DAB1: variants seen among roughly 807,000 people sequenced by gnomAD.
The protein encoded by DAB1 is disabled homolog 1.
Under a neutral mutation model 64.6 loss-of-function variants are expected in DAB1, and 15 were observed. The observed-to-expected ratio is 0.23, with a 90% CI of 0.16 to 0.36. The LOEUF (loss-of-function observed/expected upper bound fraction) is 0.36, where lower values mean the gene tolerates loss of function less well. Among genes scored for constraint, DAB1 ranks in the 10% least tolerant of loss-of-function variants. The pLI is 1.00. For synonymous variants in DAB1, 235 were observed against 251.9 expected, an observed-to-expected ratio of 0.93 and a Z score of 0.64; for missense variants, 596 against 706.7, an observed-to-expected ratio of 0.84 and a Z score of 1.78.
intron 5 of DAB1, among the ~76,000 whole-genome samples, chr1:58,124,247 C>T (rs1042119642): frequency 6.6e-6 from 1 of 150,860 alleles, no homozygotes; most frequent in Non-Finnish European, 1.5e-5. Flanking sequence ...CCTTATTTAC[C>T]CAGACTCATA....
chr1:57,544,365 C>T (rs557017116), intron 7 of DAB1, among the ~76,000 whole-genome samples: 28 of 152,260 alleles, frequency 1.8e-4, no homozygotes, highest in African/African-American at 6.7e-4. Flanking sequence ...TTGTTAATCC[C>T]TACTTCATAG....
intron 1 of DAB1, among the ~76,000 whole-genome samples, chr1:57,410,244 T>G (rs1286393121): frequency 6.6e-6 from 1 of 152,348 alleles, no homozygotes; most frequent in Non-Finnish European, 1.5e-5. Context: ...ACAGGGGCAC[T>G]TCCCCCTCTA....
chr1:57,892,504 G>A (rs567760288), intron 5 of DAB1, among the ~76,000 whole-genome samples: 13 of 152,252 alleles, frequency 8.5e-5, no homozygotes, highest in Non-Finnish European at 1.8e-4. Flanking sequence ...TTCAAGCAAG[G>A]AAACTGAAGC....
chr1:57,563,688 A>T (rs1645080566), intron 7 of DAB1, among the ~76,000 whole-genome samples: 1 of 152,092 alleles, frequency 6.6e-6, no homozygotes, highest in African/African-American at 2.4e-5. Context: ...AGCCTCCCTC[A>T]TTGCTAGCAC....
At chr1:58,454,461 C>CA (rs1645171273) in intron 3 of DAB1, among the ~76,000 whole-genome samples, 1 of 152,086 alleles carries the variant, frequency 6.6e-6, no homozygotes, top group Non-Finnish European at 1.5e-5. Context: ...GACCCAAACT[C>CA]AGAGTTCACC....
At chr1:57,585,797 T>C (rs571610500) in intron 7 of DAB1, among the ~76,000 whole-genome samples, 1 of 152,192 alleles carries the variant, frequency 6.6e-6, no homozygotes, top group Non-Finnish European at 1.5e-5. Flanking sequence ...GATTACTACA[T>C]GAACATATAA....
intron 7 of DAB1, among the ~76,000 whole-genome samples, chr1:57,458,892 T>G (rs535036208): frequency 6.6e-6 from 1 of 152,134 alleles, no homozygotes; most frequent in African/African-American, 2.4e-5. Context: ...GGCCAAAATC[T>G]TTTGCCTCTG....
At chr1:57,114,945 GA>G (rs1169472609) in intron 4 of DAB1, among the ~76,000 whole-genome samples, 1 of 151,886 alleles carries the variant, frequency 6.6e-6, no homozygotes, top group Non-Finnish European at 1.5e-5. Flanking sequence ...TCTATCTGTA[GA>G]GATAATAATA....
chr1:58,139,648 C>A (rs1654165684), intron 5 of DAB1, among the ~76,000 whole-genome samples: 1 of 152,114 alleles, frequency 6.6e-6, no homozygotes, highest in South Asian at 2.1e-4. Context: ...TGGGTGGGGA[C>A]ACAGCCAAAC....
intron 14 of DAB1, 40 bp downstream of exon 14, chr1:57,010,640 T>G (rs1570487743): frequency 9.0e-7 from 1 of 1,112,772 alleles, no homozygotes; most frequent in Middle Eastern, 2.2e-4. Flanking sequence ...GGAAAGCAGA[T>G]AGCTTAAGGG....
chr1:57,798,763 G>T (rs1295788570), intron 6 of DAB1, among the ~76,000 whole-genome samples: 1 of 152,156 alleles, frequency 6.6e-6, no homozygotes, highest in African/African-American at 2.4e-5. Flanking sequence ...TTCCATGTCT[G>T]GGCTCACTTT....
chr1:57,797,864 C>A (rs548044551), intron 6 of DAB1, among the ~76,000 whole-genome samples: 194 of 50,410 alleles, frequency 3.8e-3, no homozygotes, highest in Admixed American at 6.1e-3. Context: ...ATATAGAAAA[C>A]TGTACAAGCT....
At chr1:57,916,321 C>T (rs1252439399) in intron 5 of DAB1, among the ~76,000 whole-genome samples, 1 of 152,184 alleles carries the variant, frequency 6.6e-6, no homozygotes, top group Non-Finnish European at 1.5e-5. Context: ...CTTCACTGGT[C>T]TCTTGATTCC....
At chr1:57,098,447 G>A (rs538720105) in intron 4 of DAB1, among the ~76,000 whole-genome samples, 3 of 152,228 alleles carry the variant, frequency 2.0e-5, no homozygotes, top group Non-Finnish European at 4.4e-5. Context: ...AACAGCTCAC[G>A]GACCCCCATT....
intron 7 of DAB1, among the ~76,000 whole-genome samples, chr1:57,501,335 G>C (rs1302622738): frequency 6.6e-6 from 1 of 152,236 alleles, no homozygotes; most frequent in African/African-American, 2.4e-5. Flanking sequence ...TTAGCAGACA[G>C]GTGAATGCGG....
chr1:58,181,257 A>G (rs915309499), intron 4 of DAB1, among the ~76,000 whole-genome samples: 1 of 152,144 alleles, frequency 6.6e-6, no homozygotes, highest in African/African-American at 2.4e-5. Flanking sequence ...TGATATTAGT[A>G]TGATGACTCC....
At chr1:57,121,121 G>C (rs1436125339) in intron 4 of DAB1, among the ~76,000 whole-genome samples, 3 of 147,712 alleles carry the variant, frequency 2.0e-5, no homozygotes, top group Non-Finnish European at 3.0e-5. Flanking sequence ...AGAAGAGGAA[G>C]AAGAAGAAGA....
chr1:57,128,660 A>T (rs1034404163), intron 4 of DAB1, among the ~76,000 whole-genome samples: 5 of 152,228 alleles, frequency 3.3e-5, no homozygotes, highest in African/African-American at 9.6e-5. Flanking sequence ...CAGATGAGCC[A>T]TCCCCAAGGT....
At chr1:57,322,950 T>A (rs1315198173) in intron 1 of DAB1, among the ~76,000 whole-genome samples, 1 of 152,176 alleles carries the variant, frequency 6.6e-6, no homozygotes, top group East Asian at 1.9e-4. Flanking sequence ...TAATGCTAGA[T>A]CAGCTCAAGG....
Sources: allele counts gnomAD v4.1 joint callset (sites outside exome capture counted in the v4.1 genomes callset), GRCh38; gene constraint gnomAD v4.1.1; transcripts MANE v1.5; gene names NCBI Gene and HGNC (gene_info 2026-07-23, HGNC 2026-07-21).